The following MLPH variants were observed in gnomAD, a reference collection of about 807,000 sequenced individuals.
MLPH encodes the protein exophilin-3.
A neutral mutation model predicts 72.1 loss-of-function variants in MLPH; 51 were observed. That is an observed-to-expected ratio of 0.71 (90% CI 0.56 to 0.89). The LOEUF is 0.89. MLPH is among the 40% of genes least tolerant of loss of function. MLPH has a pLI of 0.00. For missense variants in MLPH, 743 were observed against 759.9 expected (o/e 0.98, Z 0.26); for synonymous variants, 301 against 310.1 (o/e 0.97, Z 0.31).
At chr2:237,542,082 A>C (rs1222685362) in intron 11 of MLPH, among the ~76,000 whole-genome samples, 1 of 152,158 alleles carries the variant, frequency 6.6e-6, no homozygotes, top group African/African-American at 2.4e-5. Context: ...CCTGGGGGCC[A>C]CTGCAAGGAT....
intron 9 of MLPH, among the ~76,000 whole-genome samples, chr2:237,538,290 G>A (rs1314611980): frequency 6.6e-6 from 1 of 152,218 alleles, no homozygotes; most frequent in Non-Finnish European, 1.5e-5. Context: ...CAGGGAAAAG[G>A]CCAATGATGT....
Position 237,518,752 on chromosome 2 carries a change from T to A in MLPH, c.555+104T>A, listed in dbSNP as rs2080109372. 6.0e-6 allele frequency: 5 copies of A among 829,540 alleles called. No individual in the cohort carries two copies. In the South Asian group the frequency reaches 7.2e-5, roughly 12 times the overall value. 51.4% of individuals were successfully genotyped at this position (829,540 alleles called of 1,614,324 possible). A position where few individuals can be genotyped will look rare whatever the true frequency, so the allele number is the denominator to read the frequency against. Reference sequence around the variant, plus strand: ...AAAACCTTGATGGCCTCTCCACAACTCCACTAGTTTCTACTGCATGAGCAC... The same window carrying A: ...AAAACCTTGATGGCCTCTCCACAACACCACTAGTTTCTACTGCATGAGCAC... On this transcript the variant is annotated intron_variant, in intron 5 of 15. Coordinates refer to ENST00000264605, the MANE Select transcript of MLPH (RefSeq NM_024101.7).
chr2:237,549,409 C>A, intron 14 of MLPH, 131 bp downstream of exon 14: 1 of 949,698 alleles, frequency 1.1e-6, no homozygotes, highest in Non-Finnish European at 1.7e-6. Flanking sequence ...TCCCAAAAAA[C>A]ATTCCCAGTG....
In MLPH at chr2:237,510,459, C is replaced by T; in HGVS notation, c.111-115C>T. On this transcript the variant is annotated intron_variant, in intron 2 of 15. Coordinates refer to ENST00000264605, the MANE Select transcript of MLPH (RefSeq NM_024101.7). This position sits in a 1 kb window ranked among gnomAD's most constrained non-coding sequence, Gnocchi z 4.4. The stretch of plus-strand genomic sequence containing the variant: ...CTGTTTTCTGCATAGGAGACAGTTA[C>T]TGTGTGTGTGTATGTGTCTGTGTCT... 2.0e-6 allele frequency: 2 copies of T among 993,672 alleles called. No individual in the cohort carries two copies. The highest frequency in any genetic ancestry group is 1.4e-5 in the South Asian group (1 of 71,778). The allele number at this position is 993,672 out of a possible 1,614,324, so 61.6% of individuals were successfully genotyped here.
At chr2:237,487,783 T>C (rs999575648) in intron 1 of MLPH, among the ~76,000 whole-genome samples, 3 of 152,190 alleles carry the variant, frequency 2.0e-5, no homozygotes, top group African/African-American at 7.2e-5. Context: ...CCAAGGCTGC[T>C]GATGCCAAGT....
chr2:237,489,117 G>C (rs1475509017), intron 1 of MLPH, among the ~76,000 whole-genome samples: 1 of 152,224 alleles, frequency 6.6e-6, no homozygotes, highest in African/African-American at 2.4e-5. Context: ...CAGGTGGCTG[G>C]GCTGGCTGTG....
Position 237,525,703 on chromosome 2 carries a change from G to A in MLPH, c.778G>A (p.Glu260Lys). ...CTCTGGGTGCCACTCCCATCCGGAA[G>A]AGCAGCCGACCAGCATCTCACCTTC... ...GASGCHSHPE[E>K]QPTSISPSRH... is the part of the protein sequence containing the mutation. The change falls in exon 7 of 16, where the codon GAG (glutamate) becomes AAG (lysine). Residue 260 changes from glutamate to lysine, a missense_variant. By Grantham distance (56) the Glu-to-Lys change is moderately conservative. Coordinates refer to ENST00000264605, the MANE Select transcript of MLPH (RefSeq NM_024101.7). The A allele has an allele frequency of 6.2e-7, 1 of 1,614,218 alleles. No individual in the cohort carries two copies. Among genetic ancestry groups the A allele is most frequent in the Non-Finnish European group, 8.5e-7 (1 of 1,180,052 alleles).
At chr2:237,534,961 A>C (rs1315115585) in intron 9 of MLPH, among the ~76,000 whole-genome samples, 2 of 152,188 alleles carry the variant, frequency 1.3e-5, no homozygotes, top group Non-Finnish European at 2.9e-5. Context: ...TTGGCCCTAC[A>C]GCCTCTGAAG....
chr2:237,549,920 A>G (rs1465695778), intron 14 of MLPH, among the ~76,000 whole-genome samples: 8 of 152,204 alleles, frequency 5.3e-5, no homozygotes, highest in African/African-American at 1.9e-4. Context: ...CCTTGCAGAC[A>G]GTGTGTGTCC....
chr2:237,532,809 C>A (rs2080448649), intron 8 of MLPH, among the ~76,000 whole-genome samples: 2 of 152,360 alleles, frequency 1.3e-5, no homozygotes, highest in Middle Eastern at 3.4e-3. Context: ...AACCCGAAAT[C>A]TTTTCATTAC....
At chr2:237,550,233 C>T (rs1199051139) in intron 14 of MLPH, among the ~76,000 whole-genome samples, 1 of 152,218 alleles carries the variant, frequency 6.6e-6, no homozygotes, top group East Asian at 1.9e-4. Context: ...TCTCCACCGC[C>T]TCCCTGCAAC....
At chr2:237,498,562 G>T (rs1381932039) in intron 2 of MLPH, among the ~76,000 whole-genome samples, 1 of 152,194 alleles carries the variant, frequency 6.6e-6, no homozygotes, top group Non-Finnish European at 1.5e-5. Flanking sequence ...GGCCAGGCCT[G>T]CCCCTCCCTC....
At chr2:237,519,788 G>A in intron 5 of MLPH, 122 bp from the exon 6 acceptor site, 1 of 1,399,440 alleles carries the variant, frequency 7.1e-7, no homozygotes, top group South Asian at 1.2e-5. Context: ...TGGATGTGCT[G>A]GGAGAGGAGC....
chr2:237,522,500 T>G (rs1049121750), intron 6 of MLPH, among the ~76,000 whole-genome samples: 1 of 134,190 alleles, frequency 7.5e-6, no homozygotes, highest in Admixed American at 7.0e-5. Context: ...GAGACTGGGG[T>G]TGGGCCTTCA....
rs186323866 is a variant in MLPH, at chr2:237,500,013, T to C, written c.110+6477T>C. 7.3e-3 allele frequency among the ~76,000 whole-genome samples: 1,114 copies of C among 152,328 alleles called. 6 individuals are homozygous for C. The highest frequency in any genetic ancestry group is 0.02 in the Middle Eastern group (6 of 294). On this transcript the variant is annotated intron_variant, in intron 2 of 15. Transcript: ENST00000264605. ...TTCCCACTTCAACCTCTCAAAGTGC[T>C]GGGATTACAGATGTGAGCCACTACA...
At position 237,542,617 on chromosome 2, in the gene MLPH, G is replaced by C. The variant is rs553682286; in HGVS notation, c.1497G>C (p.Thr499=). The C allele has an allele frequency of 3.1e-3, 4,887 of 1,601,928 alleles. 198 individuals are homozygous for C. In the South Asian group the frequency reaches 0.052, roughly 17 times the overall value. The stretch of plus-strand genomic sequence containing the variant: ...CAGCCCTGAGGGCCGCAGGGCTCAC[G>C]GTGAAGCCCTCGGGAAAGCCCCGGA... ...RIAALRAAGL[T]VKPSGKPRRK... The change falls in exon 12 of 16, where the codon ACG becomes ACC. Residue 499 remains threonine (T), a synonymous_variant. Coordinates refer to ENST00000264605, the MANE Select transcript of MLPH (RefSeq NM_024101.7).
At chr2:237,522,443 G>A (rs1417755404) in intron 6 of MLPH, among the ~76,000 whole-genome samples, 11 of 84,500 alleles carry the variant, frequency 1.3e-4, no homozygotes, top group East Asian at 3.3e-4. Flanking sequence ...CTGGGGTTGG[G>A]CCTTCAAACA....
intron 4 of MLPH, among the ~76,000 whole-genome samples, chr2:237,516,613 T>G (rs1008251376): frequency 6.6e-6 from 1 of 152,264 alleles, no homozygotes; most frequent in Admixed American, 6.5e-5. Flanking sequence ...GTAACATTGA[T>G]TGGTAACATT....
intron 7 of MLPH, among the ~76,000 whole-genome samples, chr2:237,526,347 C>T (rs2080304307): frequency 6.6e-6 from 1 of 152,154 alleles, no homozygotes; most frequent in African/African-American, 2.4e-5. Flanking sequence ...CCCATCGGAA[C>T]AGGAGCAAGT....
Sources: gnomAD v4.1 joint callset for allele counts (sites outside exome capture counted in the v4.1 genomes callset) on GRCh38, gnomAD v4.1.1 for gene constraint, Gnocchi (gnomAD v3.1) non-coding constraint, MANE v1.5 for transcripts, NCBI Gene and HGNC (gene_info 2026-07-23, HGNC 2026-07-21) for gene names.